SPEG: variants seen among roughly 807,000 people sequenced by gnomAD.
SPEG encodes striated muscle preferentially expressed protein kinase.
A neutral mutation model predicts 300.4 loss-of-function variants in SPEG; 114 were observed. The ratio of observed to expected loss-of-function variants is 0.38; its 90% CI spans 0.33 to 0.44. SPEG has a LOEUF of 0.44. SPEG is among the 20% of genes least tolerant of loss of function. The pLI, the probability that SPEG is intolerant of heterozygous loss-of-function variation, is 1.00. For missense variants in SPEG, 4,201 were observed against 4,586.2 expected, an observed-to-expected ratio of 0.92 and a Z score of 2.43; for synonymous variants, 1,964 against 2,018.9, an observed-to-expected ratio of 0.97 and a Z score of 0.73.
chr2:219,465,958 CGTGTGCATGCGTGT>C lies in SPEG; in HGVS notation c.2882-1206_2882-1193del, dbSNP rs777613799. 3.1e-3 allele frequency: 3,102 copies of C among 999,054 alleles called. 5 individuals are homozygous for C. Among genetic ancestry groups the C allele is most frequent in the Non-Finnish European group, 4.2e-3 (2,757 of 657,886 alleles). 61.9% of individuals were successfully genotyped at this position (999,054 alleles called of 1,614,324 possible). A position where few individuals can be genotyped will look rare whatever the true frequency, so the allele number is the denominator to read the frequency against. On this transcript the variant is annotated intron_variant, in intron 9 of 40. Transcript: ENST00000312358. ...GCGTGCACGTGTGCGTGCATGTGTG[CGTGTGCATGCGTGT>C]GTGTGCATGTGTGTGTGTGCGCGTG... is the stretch of plus-strand genomic sequence containing the variant.
chr2:219,461,834 G>T (rs1430685687), intron 6 of SPEG, 48 bp from the exon 7 acceptor site: 1 of 1,580,042 alleles, frequency 6.3e-7, no homozygotes, highest in Non-Finnish European at 8.7e-7. Context: ...GCTCTCCCAG[G>T]CTCTCTGCTC....
At chr2:219,492,479 G>A in intron 40 of SPEG, 115 bp from the exon 41 acceptor site, 1 of 1,239,006 alleles carries the variant, frequency 8.1e-7, no homozygotes, top group Non-Finnish European at 1.1e-6. Flanking sequence ...AGCTGCCCAA[G>A]ATCACACATG....
At chr2:219,470,672 C>G (rs911106390) in intron 13 of SPEG, among the ~76,000 whole-genome samples, 3 of 152,214 alleles carry the variant, frequency 2.0e-5, no homozygotes, top group Non-Finnish European at 4.4e-5. Context: ...CAGTGCAGGC[C>G]TCCTCTCTGT....
At position 219,435,326 on chromosome 2, in the gene SPEG, G is replaced by T; in HGVS notation, c.349G>T (p.Ala117Ser). The stretch of plus-strand genomic sequence containing the variant: ...CATGGCCCAGAACGAGCGGGGCCGG[G>T]CCTCCTGCGAGGCGGTGCTCACAGT... ...SCMAQNERGRASCEAVLTVLE... is the reference protein window; with the variant it reads ...SCMAQNERGRSSCEAVLTVLE... Residue 117 changes from alanine to serine, a missense_variant, in exon 1 of 41, where the codon GCC becomes TCC. Physicochemically the swap from Ala to Ser is moderately conservative, Grantham distance 99 (BLOSUM62 1). Around this residue, in one of 4 missense-constraint regions of SPEG, gnomAD observed 1,258 missense variants for 1,293.9 expected, o/e 0.97. Transcript: ENST00000312358. The T allele has an allele frequency of 1.3e-6, 2 of 1,537,974 alleles. No homozygotes were observed. Among genetic ancestry groups the T allele is most frequent in the East Asian group, 4.9e-5 (2 of 40,944 alleles).
rs202153500 is a variant in SPEG, at chr2:219,477,294, C to T, written c.4578C>T (p.Thr1526=). ...IMWYKDEVLL[T]ESSHVSFVYE... ...CTCTGCAGGACGAGGTGCTGCTGAC[C>T]GAGAGCAGCCATGTGAGCTTCGTGT... The change falls in exon 20 of 41, where the codon ACC becomes ACT. Residue 1526 remains threonine, a synonymous_variant. Coordinates refer to ENST00000312358, the MANE Select transcript of SPEG (RefSeq NM_005876.5). This position sits in a 1 kb window ranked among gnomAD's most constrained non-coding sequence, Gnocchi z 6.4. 3.7e-6 allele frequency: 6 copies of T among 1,612,012 alleles called. No individual in the cohort carries two copies. In the Admixed American group the frequency reaches 5.0e-5, roughly 13 times the overall value.
rs1394504552 is a variant in SPEG at position 219,481,188 on chromosome 2, C to T, written c.5370-116C>T. ...GCCTCACCTCTTACCCACATTTGCC[C>T]AGCCTCTGTCATCCTCACAACCCCA... On this transcript the variant is annotated intron_variant, in intron 26 of 40. Transcript: ENST00000312358. This position sits in a 1 kb window ranked among gnomAD's most constrained non-coding sequence, Gnocchi z 5.4. 2.2e-5 allele frequency: 25 copies of T among 1,160,462 alleles called. No individual in the cohort carries two copies. Among genetic ancestry groups the T allele is most frequent in the Non-Finnish European group, 3.1e-5 (25 of 803,314 alleles). The allele number at this position is 1,160,462 out of a possible 1,614,324, so 71.9% of individuals were successfully genotyped here.
Position 219,489,091 on chromosome 2 carries a change from C to T in SPEG, c.8187C>T (p.Pro2729=), listed in dbSNP as rs533153023. 17 of 1,613,934 alleles carry T rather than the reference C, an allele frequency of 1.1e-5. No homozygotes were observed. Among genetic ancestry groups the T allele is most frequent in the Admixed American group, 6.7e-5 (4 of 60,008 alleles). ...SVWHPVSSGI[P]DCYYNVTHLP... ...GGCACCCTGTGAGCTCAGGCATCCC[C>T]GACTGTTACTACAACGTGACCCACC... Residue 2729 remains proline (P), a synonymous_variant, in exon 35 of 41, where the codon CCC becomes CCT. Coordinates refer to ENST00000312358, the MANE Select transcript of SPEG (RefSeq NM_005876.5).
In SPEG at chr2:219,434,862, C is replaced by G; in HGVS notation, c.-116C>G. The G allele has an allele frequency of 1.5e-6, 1 of 657,102 alleles. No individual in the cohort carries two copies. Among genetic ancestry groups the G allele is most frequent in the Non-Finnish European group, 2.4e-6 (1 of 418,234 alleles). 40.7% of individuals were successfully genotyped at this position (657,102 alleles called of 1,614,324 possible). A position where few individuals can be genotyped will look rare whatever the true frequency, so the allele number is the denominator to read the frequency against. On this transcript the variant is annotated 5_prime_UTR_variant, in exon 1 of 41. Transcript: ENST00000312358. ...CTGGGTAGCACAGGCCGAAGGCGGG[C>G]GGGCAGCAGGAAGGCAGGCCGCCGG...
Position 219,478,100 on chromosome 2 carries a change from C to T in SPEG, c.5022C>T (p.Thr1674=), listed in dbSNP as rs367927261. The stretch of plus-strand genomic sequence containing the variant: ...GGCGCCGGGGACTGGTCATTGTCAC[C>T]GAGCTGTATCCTGGGACAGGCTGGG... ...FERRRGLVIV[T]ELCTEELLER... Residue 1674 remains threonine, a synonymous_variant, in exon 22 of 41, where the codon ACC becomes ACT. Coordinates refer to ENST00000312358, the MANE Select transcript of SPEG (RefSeq NM_005876.5). The T allele has an allele frequency of 4.2e-5, 68 of 1,613,282 alleles. No homozygotes were observed. Among genetic ancestry groups the T allele is most frequent in the African/African-American group, 2.8e-4 (21 of 74,904 alleles).
chr2:219,467,369 TG>T lies in SPEG; in HGVS notation c.3078del (p.Leu1027TyrfsTer24). On this transcript the variant is annotated frameshift_variant, in exon 10 of 41. Coordinates refer to ENST00000312358, the MANE Select transcript of SPEG (RefSeq NM_005876.5). LOFTEE classifies it high-confidence loss of function. ...CATTTCGATGGCCGCAAATGCAAGC[TG>T]CTACTTACATCTGTACATGAGGACG... is the stretch of plus-strand genomic sequence containing the variant. ...KMHFDGRKCK[L>X]LLTSVHEDDS... 1 of 1,612,636 alleles carries T rather than the reference TG, an allele frequency of 6.2e-7. No individual in the cohort carries two copies. Among genetic ancestry groups the T allele is most frequent in the Non-Finnish European group, 8.5e-7 (1 of 1,179,994 alleles).
In SPEG at chr2:219,464,796, C is replaced by T. The variant is rs1001676083; in HGVS notation, c.2881+188C>T. On this transcript the variant is annotated intron_variant, in intron 9 of 40. Coordinates refer to ENST00000312358, the MANE Select transcript of SPEG (RefSeq NM_005876.5). The surrounding 1 kb of genome is among the most constrained non-coding windows in gnomAD (Gnocchi z 4.5). ...GAGACAGGAAGTGACCTGCCCAAAG[C>T]TGCACAGCACATTGTTCCGTGCTCA... 7 of 595,992 alleles carry T rather than the reference C, an allele frequency of 1.2e-5. No individual in the cohort carries two copies. The highest frequency in any genetic ancestry group is 2.1e-5 in the Non-Finnish European group (7 of 335,578). 36.9% of individuals were successfully genotyped at this position (595,992 alleles called of 1,614,324 possible).
chr2:219,488,796 C>A lies in SPEG; in HGVS notation c.8045C>A (p.Ala2682Asp), dbSNP rs770356463. Residue 2682 changes from alanine (A) to aspartate (D), a missense_variant, in exon 34 of 41, where the codon GCT (alanine) becomes GAT (aspartate). Ala to Asp is a moderately radical substitution (Grantham distance 126, BLOSUM62 -2). Transcript: ENST00000312358. ...VAVARVPGKL[A>D]PPEVPQTYQD... ...TTGCCAGGAGTCCCAGGAAAGCTAG[C>A]TCCTCCAGAGGTACCCCAGACCTAC... 6.2e-7 allele frequency: 1 copy of A among 1,602,300 alleles called. No homozygotes were observed. Among genetic ancestry groups the A allele is most frequent in the Non-Finnish European group, 8.5e-7 (1 of 1,173,582 alleles).
intron 6 of SPEG, among the ~76,000 whole-genome samples, chr2:219,452,749 C>T (rs994539573): frequency 6.6e-6 from 1 of 152,040 alleles, no homozygotes; most frequent in Non-Finnish European, 1.5e-5. Context: ...ACGGGGAAGG[C>T]GGGACATGCC....
chr2:219,442,110 C>T (rs1209852335), intron 1 of SPEG: 6 of 1,181,440 alleles, frequency 5.1e-6, no homozygotes, highest in Non-Finnish European at 5.3e-6. Flanking sequence ...CGGGCGGCGC[C>T]GGGAGGGGGC....
In SPEG at chr2:219,445,063, G is replaced by A. The variant is rs1293810578; in HGVS notation, c.717G>A (p.Val239=). ...TGCGGGCATCTCGAGCTAATCTGGTGGGCGCAAGCTGGGGGTCAGAGGATA... is the reference window on the plus strand; with the variant it reads ...TGCGGGCATCTCGAGCTAATCTGGTAGGCGCAAGCTGGGGGTCAGAGGATA... ...PLVRASRANL[V]GASWGSEDSL... is the part of the protein sequence containing the mutation. Residue 239 remains valine (V), a synonymous_variant, in exon 3 of 41, where the codon GTG becomes GTA. Transcript: ENST00000312358. This position sits in a 1 kb window ranked among gnomAD's most constrained non-coding sequence, Gnocchi z 6.1. 6.2e-7 allele frequency: 1 copy of A among 1,606,530 alleles called. No individual in the cohort carries two copies. The highest frequency in any genetic ancestry group is 8.5e-7 in the Non-Finnish European group (1 of 1,176,598).
Position 219,451,174 on chromosome 2 carries a change from C to A in SPEG, c.2152C>A (p.Pro718Thr). The part of the protein sequence containing the change: ...DDSYVSAGEE[P>T]LEAPVFEIPL... ...CTCCTACGTGTCCGCTGGAGAAGAG[C>A]CCCTAGAGGCCCCTGTGTTTGAGAT... is the stretch of plus-strand genomic sequence containing the variant. The change falls in exon 5 of 41, where the codon CCC becomes ACC. Residue 718 changes from proline to threonine, a missense_variant. Physicochemically the swap from Pro to Thr is conservative, Grantham distance 38. Transcript: ENST00000312358. This position sits in a 1 kb window ranked among gnomAD's most constrained non-coding sequence, Gnocchi z 6.4. 6.2e-7 allele frequency: 1 copy of A among 1,613,784 alleles called. No homozygotes were observed. The highest frequency in any genetic ancestry group is 8.5e-7 in the Non-Finnish European group (1 of 1,179,912).
In SPEG at chr2:219,483,581, C is replaced by T. The variant is rs963668389; in HGVS notation, c.6118C>T (p.Leu2040=). The change falls in exon 30 of 41, where the codon CTG becomes TTG. Residue 2040 remains leucine, a synonymous_variant. Transcript: ENST00000312358. ...RGLHKAASVE[L]PQRRSPSPGA... is the part of the protein sequence containing the mutation. ...CCTGCACAAGGCGGCGTCTGTGGAG[C>T]TGCCGCAGCGCCGGAGCCCCAGCCC... 2 of 1,466,540 alleles carry T rather than the reference C, an allele frequency of 1.4e-6. No homozygotes were observed. Among genetic ancestry groups the T allele is most frequent in the African/African-American group, 3.0e-5 (2 of 67,608 alleles). The allele number at this position is 1,466,540 out of a possible 1,614,324, so 90.8% of individuals were successfully genotyped here.
At chr2:219,442,463 C>G (rs1334203151) in intron 1 of SPEG, among the ~76,000 whole-genome samples, 1 of 151,286 alleles carries the variant, frequency 6.6e-6, no homozygotes, top group Admixed American at 6.6e-5. Context: ...CCCAGCCCCC[C>G]ACTCTGAAGC....
chr2:219,457,484 C>T (rs554149836), intron 6 of SPEG, among the ~76,000 whole-genome samples: 64 of 152,150 alleles, frequency 4.2e-4, no homozygotes, highest in Middle Eastern at 3.4e-3. Flanking sequence ...TGAGGGAGGC[C>T]GAGCCAGGAG....
Sources: gnomAD v4.1 joint callset for allele counts (sites outside exome capture counted in the v4.1 genomes callset) on GRCh38, gnomAD v4.1.1 for gene constraint, gnomAD v4.1.1 regional missense constraint, Gnocchi (gnomAD v3.1) non-coding constraint, MANE v1.5 for transcripts, NCBI Gene and HGNC (gene_info 2026-07-23, HGNC 2026-07-21) for gene names.